SCAPER: variants seen among roughly 807,000 people sequenced by gnomAD.
SCAPER encodes the protein S phase cyclin A-associated protein in the endoplasmic reticulum.
In SCAPER, 98 loss-of-function variants were observed where a neutral mutation model predicts 182.2. That is an observed-to-expected ratio of 0.54 (90% confidence interval 0.46 to 0.64). SCAPER has a LOEUF of 0.64. Among genes scored for constraint, SCAPER ranks in the 30% least tolerant of loss-of-function variants. SCAPER has a pLI of 0.00. For missense variants in SCAPER, 1,432 were observed against 1,690.0 expected (o/e 0.85, Z 2.68); for synonymous variants, 605 against 564.6 (o/e 1.07, Z -1.01).
chr15:76,525,334 G>T (rs183415470), intron 23 of SCAPER, among the ~76,000 whole-genome samples: 1 of 151,964 alleles, frequency 6.6e-6, no homozygotes, highest in African/African-American at 2.4e-5. Context: ...GTGGACTACA[G>T]TGTAATTTTT....
chr15:76,490,350 T>C (rs180955922), intron 24 of SCAPER, among the ~76,000 whole-genome samples: 1,682 of 152,282 alleles, frequency 0.011, 113 homozygotes, highest in Admixed American at 0.1. Context: ...GAGGTGCTAT[T>C]TCGTTGTGGT....
At chr15:76,816,533 T>C (rs4886503) in intron 5 of SCAPER, among the ~76,000 whole-genome samples, 57,976 of 152,014 alleles carry the variant, frequency 0.38, 13,064 homozygotes, top group Middle Eastern at 0.53. Context: ...TGCTTTATCC[T>C]GGAATACCAC....
At chr15:76,884,451 C>T (rs1266555802) in intron 1 of SCAPER, among the ~76,000 whole-genome samples, 1 of 152,118 alleles carries the variant, frequency 6.6e-6, no homozygotes. Context: ...TTTAATGTGG[C>T]CACACTTTTA....
At chr15:76,803,082 T>C (rs12439141) in intron 6 of SCAPER, among the ~76,000 whole-genome samples, 41,509 of 151,986 alleles carry the variant, frequency 0.27, 6,460 homozygotes, top group East Asian at 0.55. Flanking sequence ...GATATGTCAC[T>C]TCCCTACTTT....
intron 27 of SCAPER, among the ~76,000 whole-genome samples, chr15:76,390,908 T>G (rs573393266): frequency 2.6e-5 from 4 of 152,320 alleles, no homozygotes; most frequent in Admixed American, 2.6e-4. Flanking sequence ...CTAAATGATC[T>G]TTCTGGCTTC....
chr15:76,736,479 A>T (rs2061272919), intron 15 of SCAPER, among the ~76,000 whole-genome samples: 1 of 152,226 alleles, frequency 6.6e-6, no homozygotes, highest in Non-Finnish European at 1.5e-5. Context: ...GTTTCTTTCA[A>T]AATTGGAGTC....
intron 14 of SCAPER, among the ~76,000 whole-genome samples, chr15:76,760,375 T>C (rs2062703940): frequency 6.6e-6 from 1 of 152,234 alleles, no homozygotes; most frequent in Non-Finnish European, 1.5e-5. Flanking sequence ...TTTTAAAGGA[T>C]GCAGATAAAC....
At chr15:76,491,177 C>T (rs1391966659) in intron 24 of SCAPER, among the ~76,000 whole-genome samples, 1 of 152,146 alleles carries the variant, frequency 6.6e-6, no homozygotes, top group Non-Finnish European at 1.5e-5. Flanking sequence ...GCTCTATATG[C>T]CTGTCTTTAT....
rs1379455420 is a variant in SCAPER, at chr15:76,735,338, A to G, written c.1867-1954T>C. 2.6e-5 allele frequency among the ~76,000 whole-genome samples: 4 copies of G among 152,122 alleles called. 1 individual carries two copies. The South Asian group carries it at 6.2e-4, about 24-fold the overall frequency. ...CAGTGAGCCATGATCGCGCCACTAA[A>G]CTCCAGTTTGGGCAACAGAGTGAGA... On this transcript the variant is annotated intron_variant, in intron 15 of 31. Transcript: ENST00000563290.
intron 23 of SCAPER, chr15:76,567,206 T>C (rs1186139490): frequency 5.8e-6 from 2 of 346,060 alleles, no homozygotes; most frequent in South Asian, 2.4e-5. Context: ...TATATCCATA[T>C]TGTTATCCAC....
rs770371959 is a variant in SCAPER, at chr15:76,376,204, G to A, written c.3813C>T (p.Ile1271=). ...TGACAGTGAAGTAGCCCACACAGAC[G>A]ATGACCTCATGAAGGAGGCTTTCAC... is the stretch of plus-strand genomic sequence containing the variant. The part of the protein sequence containing the change: ...VSCESLLHEV[I]VCVGYFTVNH... Residue 1271 remains isoleucine (I), a synonymous_variant, in exon 29 of 32, where the codon ATC becomes ATT. Transcript: ENST00000563290. 4.3e-6 allele frequency: 7 copies of A among 1,613,966 alleles called. No homozygotes were observed. Among genetic ancestry groups the A allele is most frequent in the Admixed American group, 3.3e-5 (2 of 60,022 alleles).
intron 21 of SCAPER, among the ~76,000 whole-genome samples, chr15:76,654,153 A>G (rs1282743546): frequency 6.6e-6 from 1 of 152,156 alleles, no homozygotes. Flanking sequence ...CAATGAGCCC[A>G]GCACTTTGGG....
At chr15:76,612,723 A>C (rs943021047) in intron 22 of SCAPER, among the ~76,000 whole-genome samples, 21 of 152,248 alleles carry the variant, frequency 1.4e-4, no homozygotes, top group Admixed American at 1.1e-3. Flanking sequence ...AGAGAGGTAA[A>C]ATATCTCTAC....
chr15:76,720,486 T>G (rs1453016364), intron 17 of SCAPER, among the ~76,000 whole-genome samples: 1 of 152,208 alleles, frequency 6.6e-6, no homozygotes, highest in African/African-American at 2.4e-5. Context: ...TAGTTCTAGA[T>G]CCCTGAGGAA....
At chr15:76,800,969 C>G (rs141691948) in intron 6 of SCAPER, among the ~76,000 whole-genome samples, 1 of 152,368 alleles carries the variant, frequency 6.6e-6, no homozygotes, top group African/African-American at 2.4e-5. Flanking sequence ...TGCCCTCAAT[C>G]AGATCCCCAT....
At chr15:76,530,749 T>C (rs2043587407) in intron 23 of SCAPER, among the ~76,000 whole-genome samples, 1 of 151,954 alleles carries the variant, frequency 6.6e-6, no homozygotes, top group Non-Finnish European at 1.5e-5. Context: ...TACAGCACCA[T>C]GGTTCACAAA....
chr15:76,841,228 C>A (rs1182625503), intron 5 of SCAPER, among the ~76,000 whole-genome samples: 1 of 152,104 alleles, frequency 6.6e-6, no homozygotes, highest in Admixed American at 6.6e-5. Context: ...AAAAAATCTT[C>A]AAAATCAAGA....
intron 5 of SCAPER, among the ~76,000 whole-genome samples, chr15:76,825,024 A>C (rs2067881016): frequency 6.6e-6 from 1 of 152,188 alleles, no homozygotes; most frequent in Non-Finnish European, 1.5e-5. Flanking sequence ...TGCCACTAAG[A>C]ATAAATAGAC....
chr15:76,373,306 C>T (rs1331153609), intron 29 of SCAPER, among the ~76,000 whole-genome samples: 1 of 152,154 alleles, frequency 6.6e-6, no homozygotes. Context: ...TCTCGGCCTC[C>T]CAAAGTGCTG....
Sources: gnomAD v4.1 joint callset for allele counts (sites outside exome capture counted in the v4.1 genomes callset) on GRCh38, gnomAD v4.1.1 for gene constraint, MANE v1.5 for transcripts, NCBI Gene and HGNC (gene_info 2026-07-23, HGNC 2026-07-21) for gene names.